The following PRKG2 variants were observed in gnomAD, a reference collection of about 807,000 sequenced individuals.
PRKG2 encodes cGMP-dependent protein kinase 2.
Under a neutral mutation model 97.2 loss-of-function variants are expected in PRKG2, and 33 were observed. The observed-to-expected ratio is 0.34, with a 90% CI of 0.26 to 0.45. The LOEUF (loss-of-function observed/expected upper bound fraction) is 0.45. PRKG2 is among the 20% of genes least tolerant of loss of function. The pLI is 1.00. For missense variants in PRKG2, 638 were observed against 900.0 expected, an observed-to-expected ratio of 0.71 and a Z score of 3.73; for synonymous variants, 330 against 321.8, an observed-to-expected ratio of 1.03 and a Z score of -0.27.
intron 2 of PRKG2, among the ~76,000 whole-genome samples, chr4:81,186,953 T>C (rs1751936679): frequency 6.6e-6 from 1 of 151,948 alleles, no homozygotes; most frequent in African/African-American, 2.4e-5. Context: ...AACAGACCAA[T>C]AACAAGTTCA....
At chr4:81,094,621 G>A (rs550345267) in intron 17 of PRKG2, among the ~76,000 whole-genome samples, 4 of 152,128 alleles carry the variant, frequency 2.6e-5, no homozygotes, top group East Asian at 3.9e-4. Flanking sequence ...AGATGATGTC[G>A]GGAATAGGAA....
chr4:81,139,919 T>C (rs761794831), intron 12 of PRKG2, among the ~76,000 whole-genome samples: 1 of 152,132 alleles, frequency 6.6e-6, no homozygotes, highest in Non-Finnish European at 1.5e-5. Flanking sequence ...CTTCTTTCTG[T>C]CATCTTGCAT....
chr4:81,169,630 T>C (rs748275861), intron 5 of PRKG2, 33 bp downstream of exon 5: 106 of 1,433,642 alleles, frequency 7.4e-5, no homozygotes, highest in Non-Finnish European at 9.1e-5. Context: ...GCGACTCCAC[T>C]GTCTTCACTG....
chr4:81,124,391 T>C (rs1314092261), intron 14 of PRKG2, among the ~76,000 whole-genome samples: 2 of 152,244 alleles, frequency 1.3e-5, no homozygotes. Context: ...ACATCTGTGA[T>C]ATCCTTTTGC....
At chr4:81,183,166 A>G (rs1751568062) in intron 2 of PRKG2, among the ~76,000 whole-genome samples, 1 of 152,220 alleles carries the variant, frequency 6.6e-6, no homozygotes, top group Non-Finnish European at 1.5e-5. Flanking sequence ...TACTGGCACA[A>G]CAATGGATAA....
At position 81,163,980 on chromosome 4, in the gene PRKG2, A is replaced by G. The variant is rs376649648; in HGVS notation, c.912+3181T>C. On this transcript the variant is annotated intron_variant, in intron 6 of 18. Coordinates refer to ENST00000264399, the MANE Select transcript of PRKG2 (RefSeq NM_006259.3). Reference sequence around the variant, plus strand: ...ACAGTTAGTTATTTATGTTGTTACTAGTTAATCTTTGTTTTCCAAGTACAA... The same window carrying G: ...ACAGTTAGTTATTTATGTTGTTACTGGTTAATCTTTGTTTTCCAAGTACAA... 3.0e-4 allele frequency among the ~76,000 whole-genome samples: 46 copies of G among 152,148 alleles called. No homozygotes were observed. The South Asian group carries it at 9.3e-3, about 31-fold the overall frequency.
At chr4:81,152,162 A>C in intron 7 of PRKG2, 108 bp from the exon 8 acceptor site, 1 of 790,970 alleles carries the variant, frequency 1.3e-6, no homozygotes, top group Non-Finnish European at 2.0e-6. Context: ...TTGGACAAGG[A>C]AAAAGACAAT....
At chr4:81,165,069 T>C (rs1446140702) in intron 6 of PRKG2, 2 of 152,200 alleles carry the variant, frequency 1.3e-5, no homozygotes, top group African/African-American at 4.8e-5. Flanking sequence ...TATCATGCTT[T>C]ACAGTTCTCA....
intron 8 of PRKG2, among the ~76,000 whole-genome samples, chr4:81,151,229 T>A (rs1748369538): frequency 6.6e-6 from 1 of 152,242 alleles, no homozygotes; most frequent in East Asian, 1.9e-4. Flanking sequence ...ATTTCTTAAA[T>A]AATTCCAAGT....
chr4:81,098,999 A>G (rs1296462796), intron 17 of PRKG2, among the ~76,000 whole-genome samples: 1 of 152,188 alleles, frequency 6.6e-6, no homozygotes, highest in Admixed American at 6.6e-5. Flanking sequence ...AAAGTGGGAT[A>G]AAACAAGGTA....
intron 6 of PRKG2, chr4:81,154,057 G>A (rs28670110): frequency 0.078 from 13,105 of 168,720 alleles, 1,876 homozygotes; most frequent in African/African-American, 0.38. Flanking sequence ...GCGCTTTTGG[G>A]ACGGCCTTAA....
intron 2 of PRKG2, among the ~76,000 whole-genome samples, chr4:81,185,158 C>A (rs897563226): frequency 6.6e-6 from 1 of 152,050 alleles, no homozygotes; most frequent in African/African-American, 2.4e-5. Context: ...AGAAGAGCAA[C>A]CCCAAGAAAC....
intron 17 of PRKG2, among the ~76,000 whole-genome samples, chr4:81,100,245 C>T (rs569839332): frequency 9.2e-5 from 14 of 152,056 alleles, no homozygotes; most frequent in Non-Finnish European, 1.9e-4. Context: ...AAAAAGAGCC[C>T]GGATTGCCAA....
chr4:81,158,636 C>G (rs979173006), intron 6 of PRKG2, among the ~76,000 whole-genome samples: 1 of 152,072 alleles, frequency 6.6e-6, no homozygotes, highest in Non-Finnish European at 1.5e-5. Context: ...GCCCGCATCA[C>G]CAAGTCAATC....
intron 14 of PRKG2, among the ~76,000 whole-genome samples, chr4:81,111,476 T>TTAATATTATATCATGTTATAC (rs1223022460): frequency 1.3e-5 from 2 of 152,142 alleles, no homozygotes; most frequent in African/African-American, 4.8e-5. Flanking sequence ...TAATACATGA[T>TTAATATTATATCATGTTATAC]ATAATTGAAG....
At chr4:81,128,547 G>A (rs1016596002) in intron 14 of PRKG2, among the ~76,000 whole-genome samples, 3 of 152,098 alleles carry the variant, frequency 2.0e-5, no homozygotes, top group South Asian at 2.1e-4. Flanking sequence ...ACTTCTTCCC[G>A]GTTTAGCCTT....
At chr4:81,164,373 A>C (rs1376205988) in intron 6 of PRKG2, among the ~76,000 whole-genome samples, 1 of 151,988 alleles carries the variant, frequency 6.6e-6, no homozygotes, top group African/African-American at 2.4e-5. Flanking sequence ...CTTTAGCTCA[A>C]TGGTTCATAA....
intron 14 of PRKG2, among the ~76,000 whole-genome samples, chr4:81,120,778 A>G (rs1012450006): frequency 6.6e-6 from 1 of 152,176 alleles, no homozygotes; most frequent in African/African-American, 2.4e-5. Flanking sequence ...CCAAATCCAT[A>G]TGCCCTGTAT....
intron 17 of PRKG2, among the ~76,000 whole-genome samples, chr4:81,098,757 C>T (rs6833113): frequency 0.11 from 17,021 of 151,980 alleles, 1,286 homozygotes; most frequent in African/African-American, 0.21. Flanking sequence ...GTTTGTGGTG[C>T]CATCAAAATT....
Sources: gnomAD v4.1 joint callset for allele counts (sites outside exome capture counted in the v4.1 genomes callset) on GRCh38, gnomAD v4.1.1 for gene constraint, MANE v1.5 for transcripts, NCBI Gene and HGNC (gene_info 2026-07-23, HGNC 2026-07-21) for gene names.